TSGA10: variants seen among roughly 807,000 people sequenced by gnomAD.
TSGA10 encodes the protein testis specific 10.
TSGA10 carries 43 observed loss-of-function variants against 96.6 expected under a neutral mutation model. The observed-to-expected ratio is 0.44, with a 90% CI of 0.35 to 0.57. The LOEUF is 0.57. Among genes scored for constraint, TSGA10 ranks in the 20% least tolerant of loss-of-function variants. TSGA10 has a pLI of 0.01. For missense variants in TSGA10, 703 were observed against 834.4 expected (o/e 0.84, Z 1.94); for synonymous variants, 229 against 269.9 (o/e 0.85, Z 1.48).
intron 9 of TSGA10, among the ~76,000 whole-genome samples, chr2:99,104,915 T>C (rs1474566461): frequency 6.6e-6 from 1 of 152,246 alleles, no homozygotes; most frequent in Non-Finnish European, 1.5e-5. Flanking sequence ...CGTAGCAATA[T>C]CAAATCTGAT....
At chr2:99,014,550 C>A (rs973959279) in intron 20 of TSGA10, among the ~76,000 whole-genome samples, 3 of 151,952 alleles carry the variant, frequency 2.0e-5, no homozygotes, top group Non-Finnish European at 4.4e-5. Context: ...TGAAAGAGCA[C>A]AAATAGACAC....
chr2:99,144,985 C>G (rs544536004), intron 1 of TSGA10, among the ~76,000 whole-genome samples: 3 of 152,300 alleles, frequency 2.0e-5, no homozygotes, highest in Non-Finnish European at 1.5e-5. Flanking sequence ...TTACCACACA[C>G]TTGGTGTCTT....
intron 5 of TSGA10, 161 bp from the exon 6 acceptor site, chr2:99,109,673 T>C (rs2091643650): frequency 4.8e-6 from 2 of 413,152 alleles, no homozygotes; most frequent in Admixed American, 4.8e-5. Context: ...ATTTTTTAAA[T>C]ACAACATTTA....
chr2:99,135,478 TA>T (rs1435198591), intron 1 of TSGA10, among the ~76,000 whole-genome samples: 4 of 152,232 alleles, frequency 2.6e-5, no homozygotes, highest in Non-Finnish European at 5.9e-5. Flanking sequence ...TGCCAGCCAC[TA>T]AAAAATTATT....
At chr2:99,075,793 A>C (rs964197632) in intron 12 of TSGA10, among the ~76,000 whole-genome samples, 2 of 152,206 alleles carry the variant, frequency 1.3e-5, no homozygotes, top group African/African-American at 4.8e-5. Flanking sequence ...GAATGGAAGA[A>C]ATGTGAAATA....
At chr2:99,026,609 G>C (rs1390076606) in intron 17 of TSGA10, among the ~76,000 whole-genome samples, 2 of 151,774 alleles carry the variant, frequency 1.3e-5, no homozygotes, top group Non-Finnish European at 2.9e-5. Context: ...TTTTTTAGTA[G>C]AGACAGGGTT....
chr2:99,055,421 A>T (rs2104391562), intron 16 of TSGA10, among the ~76,000 whole-genome samples: 1 of 152,218 alleles, frequency 6.6e-6, no homozygotes, highest in Admixed American at 6.5e-5. Context: ...ATAGTTAATA[A>T]TAATGTACTG....
chr2:99,036,459 A>T (rs1262056342), intron 16 of TSGA10, among the ~76,000 whole-genome samples: 3 of 152,154 alleles, frequency 2.0e-5, no homozygotes, highest in African/African-American at 7.2e-5. Flanking sequence ...ACTACTAGAG[A>T]AGTCATATAT....
intron 15 of TSGA10, 101 bp downstream of exon 15, chr2:99,068,787 A>T (rs2085568731): frequency 2.0e-6 from 1 of 494,486 alleles, no homozygotes; most frequent in African/African-American, 2.0e-5. Context: ...CTATGTATTA[A>T]AGAAAGCTTT....
intron 10 of TSGA10, chr2:99,102,534 G>C (rs953315300): frequency 1.2e-6 from 2 of 1,614,156 alleles, no homozygotes; most frequent in Middle Eastern, 1.6e-4. Flanking sequence ...TGATGAGATT[G>C]ACCAGGCTCT....
intron 20 of TSGA10, among the ~76,000 whole-genome samples, chr2:99,014,531 C>T (rs1184356398): frequency 6.6e-6 from 1 of 152,098 alleles, no homozygotes; most frequent in East Asian, 1.9e-4. Context: ...GTGCCTACAT[C>T]AGAAAGTTTG....
chr2:99,112,882 CA>C (rs1339074497), intron 4 of TSGA10, among the ~76,000 whole-genome samples: 11 of 138,478 alleles, frequency 7.9e-5, no homozygotes, highest in Admixed American at 1.4e-4. Flanking sequence ...TTGTGGGGGA[CA>C]AACAAAGACT....
chr2:99,115,092 C>G (rs1207073392), intron 4 of TSGA10, among the ~76,000 whole-genome samples: 1 of 151,958 alleles, frequency 6.6e-6, no homozygotes, highest in Non-Finnish European at 1.5e-5. Context: ...GGCAACACGC[C>G]CAGCTATTTT....
rs2083749339 is a variant in TSGA10 at position 99,054,388 on chromosome 2, A to G, written c.1404+10551T>C. ...CTCTTAATGGATTAAAGACTTAAAT[A>G]TAAGACCTGAAACGGTAAAACTGCT... On this transcript the variant is annotated intron_variant, in intron 16 of 20. Transcript: ENST00000393483. Among the ~76,000 whole-genome samples the G allele has an allele frequency of 2.0e-5, 3 of 152,226 alleles. No homozygotes were observed. The South Asian group carries it at 6.2e-4, about 32-fold the overall frequency.
At chr2:99,132,977 T>A (rs540368759) in intron 1 of TSGA10, among the ~76,000 whole-genome samples, 8 of 152,362 alleles carry the variant, frequency 5.3e-5, no homozygotes, top group African/African-American at 1.9e-4. Flanking sequence ...ATTTCCATTC[T>A]TTTGCATTTG....
At chr2:99,026,062 T>C (rs1239667529) in intron 17 of TSGA10, among the ~76,000 whole-genome samples, 1 of 152,222 alleles carries the variant, frequency 6.6e-6, no homozygotes, top group Non-Finnish European at 1.5e-5. Flanking sequence ...TATTCTACTG[T>C]TTTTGGAAGA....
chr2:99,044,806 A>T (rs1293294525), intron 16 of TSGA10, among the ~76,000 whole-genome samples: 1 of 152,202 alleles, frequency 6.6e-6, no homozygotes, highest in Non-Finnish European at 1.5e-5. Flanking sequence ...CAAATGCAAA[A>T]TAACAGAAAT....
rs1352414521 is a variant in TSGA10, at chr2:99,134,635, G to T, written c.-620-7459C>A. On this transcript the variant is annotated intron_variant, in intron 1 of 20. Transcript: ENST00000393483. ...TTTGCTCCTTTGCTGGCGAGCAGTT[G>T]TAATCCTTTAGAGGAGAAGAGGCGT... Among the ~76,000 whole-genome samples, 4 of 152,104 alleles carry T rather than the reference G, an allele frequency of 2.6e-5. No homozygotes were observed. The East Asian group carries it at 7.8e-4, about 30-fold the overall frequency.
chr2:99,045,977 G>A (rs952970169), intron 16 of TSGA10, among the ~76,000 whole-genome samples: 2 of 152,090 alleles, frequency 1.3e-5, no homozygotes, highest in African/African-American at 4.8e-5. Flanking sequence ...AGACAAAGAA[G>A]GCCATTACAT....
Sources: allele counts gnomAD v4.1 joint callset (sites outside exome capture counted in the v4.1 genomes callset), GRCh38; gene constraint gnomAD v4.1.1; transcripts MANE v1.5; gene names NCBI Gene and HGNC (gene_info 2026-07-23, HGNC 2026-07-21).